Variants in DNAJB4 observed in about 807,000 individuals in gnomAD.
DNAJB4 encodes the protein dnaJ homolog subfamily B member 4.
Under a neutral mutation model 26.6 loss-of-function variants are expected in DNAJB4, and 10 were observed. The observed-to-expected ratio is 0.38, with a 90% confidence interval of 0.23 to 0.64. The LOEUF (loss-of-function observed/expected upper bound fraction) is 0.64, where lower values mean the gene tolerates loss of function less well. DNAJB4 is among the 30% of genes least tolerant of loss of function. The pLI is 0.58. For missense variants in DNAJB4, 328 were observed against 408.2 expected (o/e 0.80, Z 1.69); for synonymous variants, 136 against 134.8 (o/e 1.01, Z -0.06).
At chr1:77,984,690 G>C (rs990195459) in intron 1 of DNAJB4, among the ~76,000 whole-genome samples, 1 of 152,138 alleles carries the variant, frequency 6.6e-6, no homozygotes, top group Non-Finnish European at 1.5e-5. Context: ...GGTTTGCCCA[G>C]TATGCTTTTA....
chr1:78,008,503 A>G (rs1186645893), intron 1 of DNAJB4, among the ~76,000 whole-genome samples: 4 of 152,226 alleles, frequency 2.6e-5, no homozygotes, highest in Non-Finnish European at 5.9e-5. Context: ...TATATATTGT[A>G]TGATTTTATT....
upstream of DNAJB4, among the ~76,000 whole-genome samples, chr1:78,000,096 C>G (rs1030254594): frequency 6.6e-6 from 1 of 152,080 alleles, no homozygotes; most frequent in Non-Finnish European, 1.5e-5. Flanking sequence ...CAAATATTAA[C>G]TGGAATATTT....
chr1:77,980,766 T>C (rs1206927722), intron 1 of DNAJB4, among the ~76,000 whole-genome samples: 1 of 152,208 alleles, frequency 6.6e-6, no homozygotes, highest in African/African-American at 2.4e-5. Context: ...TTAATATGAA[T>C]GTAGATACAG....
chr1:78,001,265 A>G (rs1310726413), upstream of DNAJB4, among the ~76,000 whole-genome samples: 1 of 151,772 alleles, frequency 6.6e-6, no homozygotes, highest in Non-Finnish European at 1.5e-5. Context: ...ACTTGAGCCT[A>G]GGAGTTCAAG....
chr1:77,991,564 T>C (rs1243963411), intron 1 of DNAJB4, among the ~76,000 whole-genome samples: 1 of 143,568 alleles, frequency 7.0e-6, no homozygotes, highest in Non-Finnish European at 1.6e-5. Flanking sequence ...CTGGGCAACA[T>C]AGTGCAACCC....
intron 1 of DNAJB4, among the ~76,000 whole-genome samples, chr1:78,011,800 A>G (rs1231480418): frequency 1.3e-5 from 2 of 151,680 alleles, no homozygotes; most frequent in African/African-American, 4.8e-5. Context: ...TAATTCCTAA[A>G]CAGTAAAAGA....
intron 1 of DNAJB4, among the ~76,000 whole-genome samples, chr1:77,989,645 A>G (rs1413429886): frequency 6.6e-6 from 1 of 152,198 alleles, no homozygotes; most frequent in Non-Finnish European, 1.5e-5. Context: ...CTTTTCTATC[A>G]TCTTTATTTA....
upstream of DNAJB4, chr1:78,004,409 T>C (rs1335970539): frequency 6.6e-6 from 1 of 152,222 alleles, no homozygotes; most frequent in Non-Finnish European, 1.5e-5. Context: ...AATGTGAAAC[T>C]AGTACACAAA....
chr1:77,979,262 C>G (rs181897570), upstream of DNAJB4: 3 of 455,664 alleles, frequency 6.6e-6, no homozygotes, highest in Admixed American at 7.4e-5. Context: ...AACAGAATTT[C>G]TTTTGGCACC....
At chr1:78,010,055 C>T (rs1660428724) in intron 1 of DNAJB4, among the ~76,000 whole-genome samples, 1 of 152,168 alleles carries the variant, frequency 6.6e-6, no homozygotes, top group African/African-American at 2.4e-5. Flanking sequence ...TTACTTCAGA[C>T]TTTGTATGAA....
chr1:78,007,714 A>T (rs1660366549), intron 1 of DNAJB4, among the ~76,000 whole-genome samples: 1 of 152,246 alleles, frequency 6.6e-6, no homozygotes, highest in Non-Finnish European at 1.5e-5. Context: ...TTATTCTATT[A>T]AAAAATCCCA....
upstream of DNAJB4, among the ~76,000 whole-genome samples, chr1:78,000,275 C>G (rs1373070849): frequency 6.6e-6 from 1 of 152,166 alleles, no homozygotes; most frequent in African/African-American, 2.4e-5. Context: ...CTTTGGTATT[C>G]CTCACTACGT....
chr1:78,006,542 G>A (rs1398585216), intron 1 of DNAJB4, among the ~76,000 whole-genome samples: 1 of 152,150 alleles, frequency 6.6e-6, no homozygotes, highest in African/African-American at 2.4e-5. Context: ...CAAATTAAAT[G>A]TAGACAAGCA....
At chr1:77,999,925 T>C (rs923604380) in intron 1 of DNAJB4, among the ~76,000 whole-genome samples, 12 of 152,326 alleles carry the variant, frequency 7.9e-5, no homozygotes, top group Non-Finnish European at 1.0e-4. Flanking sequence ...GACTGAGATA[T>C]GTGAGGCATC....
chr1:77,999,102 A>G (rs908822591), intron 1 of DNAJB4, among the ~76,000 whole-genome samples: 3 of 152,168 alleles, frequency 2.0e-5, no homozygotes, highest in Non-Finnish European at 2.9e-5. Flanking sequence ...CTGGTTTTTT[A>G]GGAAATTATA....
At chr1:77,984,746 C>G (rs1043932353) in intron 1 of DNAJB4, among the ~76,000 whole-genome samples, 5 of 152,264 alleles carry the variant, frequency 3.3e-5, no homozygotes, top group Non-Finnish European at 7.4e-5. Context: ...CTTTATTCCA[C>G]TTATCATTTT....
At chr1:77,981,466 A>G (rs1324735187) in intron 1 of DNAJB4, among the ~76,000 whole-genome samples, 1 of 151,866 alleles carries the variant, frequency 6.6e-6, no homozygotes, top group African/African-American at 2.4e-5. Flanking sequence ...GGCACCCACC[A>G]CTACGCCCAG....
rs1204431594 is a variant in DNAJB4, at chr1:78,016,841, A to G, written c.*594A>G. On this transcript the variant is annotated 3_prime_UTR_variant, in exon 3 of 3. Transcript: ENST00000370763. ...ATGTTCTTAAGGCAGATCTTTCTTCATAAAAAGGAAAGTAATGGCAATTTC... is the reference window on the plus strand; with the variant it reads ...ATGTTCTTAAGGCAGATCTTTCTTCGTAAAAAGGAAAGTAATGGCAATTTC... 1.3e-5 allele frequency: 2 copies of G among 152,150 alleles called. No individual in the cohort carries two copies. The highest frequency in any genetic ancestry group is 2.9e-5 in the Non-Finnish European group (2 of 67,986). The allele number at this position is 152,150 out of a possible 1,614,324, so 9.4% of individuals were successfully genotyped here.
chr1:78,013,307 A>T lies in DNAJB4; in HGVS notation c.468A>T (p.Gln156His). The T allele has an allele frequency of 6.2e-7, 1 of 1,614,102 alleles. No homozygotes were observed. The change falls in exon 2 of 3, where the codon CAA (glutamine) becomes CAT (histidine). Residue 156 changes from glutamine (Q) to histidine (H), a missense_variant. Coordinates refer to ENST00000370763, the MANE Select transcript of DNAJB4 (RefSeq NM_007034.5). ...RNSVGPSRLK[Q>H]DPPVIHELRV... is the part of the protein sequence containing the mutation. ...CTGTGGGGCCATCCCGCCTCAAACA[A>T]GATCCTCCAGTTATTCATGAACTTA...
Sources: gnomAD v4.1 joint callset for allele counts (sites outside exome capture counted in the v4.1 genomes callset) on GRCh38, gnomAD v4.1.1 for gene constraint, MANE v1.5 for transcripts, NCBI Gene and HGNC (gene_info 2026-07-23, HGNC 2026-07-21) for gene names.